The following DDX10 variants were observed in gnomAD, a reference collection of about 807,000 sequenced individuals.
The protein encoded by DDX10 is DEAD-box helicase 10.
DDX10 carries 74 observed loss-of-function variants against 104.3 expected under a neutral mutation model. The ratio of observed to expected loss-of-function variants is 0.71; its 90% CI spans 0.59 to 0.86. The LOEUF is 0.86. Ranked by LOEUF, DDX10 falls within the 40% of genes least tolerant of loss-of-function variation. DDX10 has a pLI of 0.00. For missense variants in DDX10, 952 were observed against 1,040.0 expected (o/e 0.92, Z 1.16); for synonymous variants, 351 against 353.4 (o/e 0.99, Z 0.08).
At chr11:108,902,152 C>CT (rs1207745047) in intron 16 of DDX10, among the ~76,000 whole-genome samples, 1 of 152,144 alleles carries the variant, frequency 6.6e-6, no homozygotes, top group African/African-American at 2.4e-5. Context: ...AATAGAGTCT[C>CT]TAACAAAGAA....
intron 6 of DDX10, among the ~76,000 whole-genome samples, chr11:108,686,946 G>A (rs945473057): frequency 1.3e-5 from 2 of 151,896 alleles, no homozygotes; most frequent in African/African-American, 2.4e-5. Context: ...CACCACGCCC[G>A]GCTACTTTTT....
At chr11:108,691,626 C>G (rs1469212429) in intron 7 of DDX10, among the ~76,000 whole-genome samples, 1 of 152,030 alleles carries the variant, frequency 6.6e-6, no homozygotes, top group African/African-American at 2.4e-5. Context: ...ATGATAACAT[C>G]AATAAAAGGC....
chr11:108,682,815 G>T (rs1029492118), intron 6 of DDX10, among the ~76,000 whole-genome samples: 2 of 151,784 alleles, frequency 1.3e-5, no homozygotes, highest in Admixed American at 1.3e-4. Context: ...GTGAAACAGC[G>T]TTTTGACCTT....
intron 17 of DDX10, among the ~76,000 whole-genome samples, chr11:108,926,245 T>G (rs1863906827): frequency 6.6e-6 from 1 of 152,106 alleles, no homozygotes; most frequent in African/African-American, 2.4e-5. Flanking sequence ...AGGGAAATCT[T>G]GAGATTTCGT....
intron 10 of DDX10, among the ~76,000 whole-genome samples, chr11:108,708,537 A>G (rs974715456): frequency 1.3e-5 from 2 of 150,554 alleles, no homozygotes; most frequent in Admixed American, 1.3e-4. Flanking sequence ...TTCAAATTCC[A>G]TTTATTTATT....
intron 16 of DDX10, among the ~76,000 whole-genome samples, chr11:108,894,632 C>A (rs1170495643): frequency 1.3e-5 from 2 of 151,944 alleles, no homozygotes; most frequent in Non-Finnish European, 2.9e-5. Context: ...GCCGAAGTGT[C>A]ATGGGAAAAT....
At chr11:108,783,749 G>T (rs1861744625) in intron 13 of DDX10, among the ~76,000 whole-genome samples, 1 of 152,122 alleles carries the variant, frequency 6.6e-6, no homozygotes, top group Admixed American at 6.6e-5. Context: ...GCATGTCTGA[G>T]GCTTGGGGTA....
chr11:108,756,364 C>T (rs1319408034), intron 13 of DDX10, among the ~76,000 whole-genome samples: 1 of 151,998 alleles, frequency 6.6e-6, no homozygotes, highest in Non-Finnish European at 1.5e-5. Context: ...AAATGGCATT[C>T]TTGGGTTTAA....
rs557872680 is a variant in DDX10, at chr11:108,859,727, T to A, written c.2304+7518T>A. Among the ~76,000 whole-genome samples, 6 of 152,318 alleles carry A rather than the reference T, an allele frequency of 3.9e-5. No homozygotes were observed. The South Asian group carries it at 1.2e-3, about 32-fold the overall frequency. ...ATTAACTGTATTTGAATCATTGTGG[T>A]CAGTTTCATTATGTGGCTGAGTCTG... is the stretch of plus-strand genomic sequence containing the variant. On this transcript the variant is annotated intron_variant, in intron 16 of 17. Coordinates refer to ENST00000322536, the MANE Select transcript of DDX10 (RefSeq NM_004398.4).
chr11:108,871,817 A>C (rs1301719288), intron 16 of DDX10, among the ~76,000 whole-genome samples: 1 of 151,958 alleles, frequency 6.6e-6, no homozygotes, highest in Non-Finnish European at 1.5e-5. Flanking sequence ...AATGCCAGAT[A>C]CTCGGGAGGC....
chr11:108,914,049 TACAAGAGTCACATTAAA>T (rs1381407909), intron 16 of DDX10, among the ~76,000 whole-genome samples: 1 of 152,198 alleles, frequency 6.6e-6, no homozygotes, highest in Non-Finnish European at 1.5e-5. Flanking sequence ...TGTTGTCAAT[TACAAGAGTCACATTAAA>T]ACAAATCCAA....
chr11:108,868,454 T>G (rs549121065), intron 16 of DDX10: 14 of 152,156 alleles, frequency 9.2e-5, no homozygotes, highest in African/African-American at 3.4e-4. Context: ...CATACAACAT[T>G]AAAAGAAAAA....
At chr11:108,758,321 C>T (rs1278554169) in intron 13 of DDX10, among the ~76,000 whole-genome samples, 5 of 152,010 alleles carry the variant, frequency 3.3e-5, no homozygotes, top group African/African-American at 4.8e-5. Context: ...AAGTAGCTCA[C>T]AGGAAATACA....
intron 13 of DDX10, among the ~76,000 whole-genome samples, chr11:108,742,617 G>C (rs540914022): frequency 2.6e-5 from 4 of 152,154 alleles, no homozygotes; most frequent in African/African-American, 9.6e-5. Flanking sequence ...TCCAGGGGTT[G>C]CTTTTTTTGA....
intron 13 of DDX10, among the ~76,000 whole-genome samples, chr11:108,747,695 G>A (rs2094333531): frequency 6.6e-6 from 1 of 152,068 alleles, no homozygotes; most frequent in African/African-American, 2.4e-5. Context: ...CCTTTGGATT[G>A]TTAAATTAGT....
intron 17 of DDX10, among the ~76,000 whole-genome samples, chr11:108,933,727 C>T (rs1208174775): frequency 6.6e-6 from 1 of 152,096 alleles, no homozygotes; most frequent in Non-Finnish European, 1.5e-5. Context: ...AGAAAAAATA[C>T]AATGCAGATT....
chr11:108,833,696 G>A (rs977799325), intron 13 of DDX10, among the ~76,000 whole-genome samples: 2 of 152,128 alleles, frequency 1.3e-5, no homozygotes, highest in Admixed American at 6.5e-5. Flanking sequence ...GTGGCTTCAT[G>A]GATTTCCCTA....
rs561715775 is a variant in DDX10 at position 108,893,915 on chromosome 11, A to C, written c.2305-23958A>C. The stretch of plus-strand genomic sequence containing the variant: ...ATGATTCCCAAGTATTCATCTACCC[A>C]AAGTAAATGTCTCCTGTGCAAACAA... On this transcript the variant is annotated intron_variant, in intron 16 of 17. Transcript: ENST00000322536. Among the ~76,000 whole-genome samples the C allele has an allele frequency of 3.9e-5, 6 of 152,210 alleles. No homozygotes were observed. The South Asian group carries it at 1.0e-3, about 26-fold the overall frequency.
chr11:108,911,556 C>CTTTTT (rs869132450), intron 16 of DDX10, among the ~76,000 whole-genome samples: 2 of 63,690 alleles, frequency 3.1e-5, no homozygotes, highest in African/African-American at 1.3e-4. Flanking sequence ...GCCTCCTCTT[C>CTTTTT]TTTTTTTTTT....
Sources: gnomAD v4.1 joint callset for allele counts (sites outside exome capture counted in the v4.1 genomes callset) on GRCh38, gnomAD v4.1.1 for gene constraint, MANE v1.5 for transcripts, NCBI Gene and HGNC (gene_info 2026-07-23, HGNC 2026-07-21) for gene names.